Variants in CORIN observed in about 807,000 individuals in gnomAD.
CORIN encodes atrial natriuretic peptide-converting enzyme.
A neutral mutation model predicts 125.3 loss-of-function variants in CORIN; 117 were observed. The ratio of observed to expected loss-of-function variants is 0.93; its 90% CI spans 0.80 to 1.09. CORIN has a LOEUF of 1.09. Among genes scored for constraint, CORIN ranks in the 50% least tolerant of loss-of-function variants. The pLI is 0.00. For synonymous variants in CORIN, 450 were observed against 466.4 expected, an observed-to-expected ratio of 0.96 and a Z score of 0.45; for missense variants, 1,253 against 1,306.7, an observed-to-expected ratio of 0.96 and a Z score of 0.63.
At chr4:47,644,686 G>A (rs1723387782) in intron 14 of CORIN, among the ~76,000 whole-genome samples, 2 of 151,670 alleles carry the variant, frequency 1.3e-5, no homozygotes, top group Non-Finnish European at 2.9e-5. Flanking sequence ...TCAAAACTCA[G>A]GACAATAGTG....
At chr4:47,600,133 C>A in intron 21 of CORIN, 81 bp downstream of exon 21, 2 of 1,222,544 alleles carry the variant, frequency 1.6e-6, no homozygotes, top group South Asian at 1.8e-5. Context: ...TTCCAAAGGG[C>A]CATACGTAAT....
intron 5 of CORIN, among the ~76,000 whole-genome samples, chr4:47,735,508 TC>T (rs1223077548): frequency 6.6e-6 from 1 of 152,212 alleles, no homozygotes; most frequent in African/African-American, 2.4e-5. Flanking sequence ...AAATGTTTCA[TC>T]AATCTTTCTA....
intron 12 of CORIN, among the ~76,000 whole-genome samples, chr4:47,654,863 T>C (rs1054029454): frequency 2.0e-5 from 3 of 151,750 alleles, no homozygotes; most frequent in Admixed American, 6.6e-5. Flanking sequence ...GTGCCACCCC[T>C]TCCCCAACCC....
In CORIN at chr4:47,838,058, G is replaced by A; in HGVS notation, c.-109C>T. On this transcript the variant is annotated 5_prime_UTR_variant, in exon 1 of 22. Coordinates refer to ENST00000273857, the MANE Select transcript of CORIN (RefSeq NM_006587.4). ...CGGATGATTTTCTCCAAGCTCAAGAGAGACAAACTGAACTTTAAGCGCCAG... is the reference window on the plus strand; with the variant it reads ...CGGATGATTTTCTCCAAGCTCAAGAAAGACAAACTGAACTTTAAGCGCCAG... 3 of 1,542,156 alleles carry A rather than the reference G, an allele frequency of 1.9e-6. No individual in the cohort carries two copies. The highest frequency in any genetic ancestry group is 2.6e-6 in the Non-Finnish European group (3 of 1,153,832).
chr4:47,751,861 G>GATA (rs1329934134), intron 4 of CORIN, among the ~76,000 whole-genome samples: 1 of 152,176 alleles, frequency 6.6e-6, no homozygotes, highest in Non-Finnish European at 1.5e-5. Context: ...GGAATAAATT[G>GATA]ATAATTTTCC....
chr4:47,693,338 G>A (rs1725854965), intron 5 of CORIN, among the ~76,000 whole-genome samples: 1 of 152,124 alleles, frequency 6.6e-6, no homozygotes, highest in Non-Finnish European at 1.5e-5. Context: ...TGCAGAGTGA[G>A]GCATCCATGT....
chr4:47,816,246 G>A (rs1183802963), intron 1 of CORIN, among the ~76,000 whole-genome samples: 1 of 152,198 alleles, frequency 6.6e-6, no homozygotes, highest in Non-Finnish European at 1.5e-5. Flanking sequence ...TGCATTAGAT[G>A]AAGCAGCAAT....
chr4:47,786,837 T>A lies in CORIN; in HGVS notation c.297A>T (p.Thr99=). ...CAGTGCTCTGGTTATAAATTGTATT[T>A]GTAAGAATAACATCGGACCCTTGGA... ...GEIQGSDVIL[T]NTIYNQSTVV... The change falls in exon 3 of 22, where the codon ACA becomes ACT. Residue 99 remains threonine, a synonymous_variant. Coordinates refer to ENST00000273857, the MANE Select transcript of CORIN (RefSeq NM_006587.4). 6.2e-7 allele frequency: 1 copy of A among 1,614,072 alleles called. No homozygotes were observed. The highest frequency in any genetic ancestry group is 8.5e-7 in the Non-Finnish European group (1 of 1,179,922).
chr4:47,596,654 C>T (rs1721261283), intron 21 of CORIN, among the ~76,000 whole-genome samples: 1 of 152,082 alleles, frequency 6.6e-6, no homozygotes, highest in Non-Finnish European at 1.5e-5. Flanking sequence ...GTGTATTCTG[C>T]ACTGCCTCAA....
intron 6 of CORIN, among the ~76,000 whole-genome samples, chr4:47,687,661 T>C (rs771838811): frequency 1.3e-4 from 20 of 152,230 alleles, no homozygotes; most frequent in Non-Finnish European, 2.9e-4. Flanking sequence ...TCTATGACTA[T>C]AAACATGAAT....
intron 15 of CORIN, 68 bp from the exon 16 acceptor site, chr4:47,642,117 A>G: frequency 6.6e-7 from 1 of 1,517,922 alleles, no homozygotes; most frequent in Non-Finnish European, 9.0e-7. Context: ...ACATAACTTT[A>G]CATGCCTCTG....
At chr4:47,751,037 G>T (rs1411632947) in intron 4 of CORIN, among the ~76,000 whole-genome samples, 2 of 152,190 alleles carry the variant, frequency 1.3e-5, no homozygotes, top group Non-Finnish European at 2.9e-5. Context: ...AGCAAATTAT[G>T]CAAATAATGG....
At chr4:47,624,010 A>T in intron 17 of CORIN, 62 bp from the exon 18 acceptor site, 1 of 1,399,006 alleles carries the variant, frequency 7.1e-7, no homozygotes, top group Non-Finnish European at 1.0e-6. Context: ...CAATTCAAAC[A>T]CTTTACCAGT....
At chr4:47,709,589 G>A (rs1034108596) in intron 5 of CORIN, among the ~76,000 whole-genome samples, 3 of 152,002 alleles carry the variant, frequency 2.0e-5, no homozygotes, top group African/African-American at 7.3e-5. Context: ...ACTGCACCTG[G>A]CCAGAAGTGC....
intron 16 of CORIN, among the ~76,000 whole-genome samples, chr4:47,629,096 T>C (rs1722703562): frequency 6.6e-6 from 1 of 152,182 alleles, no homozygotes; most frequent in African/African-American, 2.4e-5. Flanking sequence ...AGTTCTATTT[T>C]AAATTTTTTG....
chr4:47,631,759 C>A (rs1722815354), intron 16 of CORIN, among the ~76,000 whole-genome samples: 1 of 152,172 alleles, frequency 6.6e-6, no homozygotes, highest in African/African-American at 2.4e-5. Context: ...GGGGCAAAGT[C>A]ACCCCTGGTT....
chr4:47,741,423 A>G (rs894580923), intron 5 of CORIN, among the ~76,000 whole-genome samples: 3 of 152,068 alleles, frequency 2.0e-5, no homozygotes, highest in Non-Finnish European at 4.4e-5. Context: ...CTATAAACAA[A>G]AGAGACAAGT....
At chr4:47,759,199 T>C (rs925593850) in intron 4 of CORIN, among the ~76,000 whole-genome samples, 8 of 152,158 alleles carry the variant, frequency 5.3e-5, no homozygotes, top group Admixed American at 3.9e-4. Flanking sequence ...TAGACTCTTA[T>C]CGCATAGGAT....
At chr4:47,704,318 T>C (rs1383477814) in intron 5 of CORIN, among the ~76,000 whole-genome samples, 1 of 152,112 alleles carries the variant, frequency 6.6e-6, no homozygotes, top group African/African-American at 2.4e-5. Flanking sequence ...GTCTAGAGGA[T>C]TGGTTACACA....
Sources: allele counts gnomAD v4.1 joint callset (sites outside exome capture counted in the v4.1 genomes callset), GRCh38; gene constraint gnomAD v4.1.1; transcripts MANE v1.5; gene names NCBI Gene and HGNC (gene_info 2026-07-23, HGNC 2026-07-21).